Variants in BAALC observed in about 807,000 individuals in gnomAD.
BAALC encodes BAALC binder of MAP3K1 and KLF4.
Under a neutral mutation model 15.5 loss-of-function variants are expected in BAALC, and 9 were observed. The observed-to-expected ratio is 0.58, with a 90% CI of 0.35 to 1.02. The LOEUF is 1.02. BAALC is among the 50% of genes least tolerant of loss of function. The pLI, the probability that BAALC is intolerant of heterozygous loss-of-function variation, is 0.02. For missense variants in BAALC, 201 were observed against 192.4 expected (o/e 1.04, Z -0.27); for synonymous variants, 80 against 74.6 (o/e 1.07, Z -0.37).
rs548646686 is a variant in BAALC, at chr8:103,148,739, G to A, written c.160+7682G>A. 4.8e-4 allele frequency among the ~76,000 whole-genome samples: 73 copies of A among 152,190 alleles called. 1 individual carries two copies. Among genetic ancestry groups the A allele is most frequent in the African/African-American group, 1.5e-3 (64 of 41,502 alleles). On this transcript the variant is annotated intron_variant, in intron 1 of 2. Coordinates refer to ENST00000309982, the MANE Select transcript of BAALC (RefSeq NM_024812.3). ...CAGGTTTCCGTTGTTTAAGCCATGC[G>A]GTTTGTGGCACTTTGTTATGGCAGC...
intron 2 of BAALC, among the ~76,000 whole-genome samples, chr8:103,217,108 A>G (rs1323985484): frequency 6.6e-6 from 1 of 152,248 alleles, no homozygotes; most frequent in Non-Finnish European, 1.5e-5. Flanking sequence ...GATGATGCAT[A>G]TCAATGAGCA....
chr8:103,180,446 C>G (rs1254387907), intron 1 of BAALC, among the ~76,000 whole-genome samples: 1 of 152,186 alleles, frequency 6.6e-6, no homozygotes, highest in Non-Finnish European at 1.5e-5. Context: ...AAAAATTTGG[C>G]AGAGCATGAA....
intron 1 of BAALC, among the ~76,000 whole-genome samples, chr8:103,174,793 G>A (rs765693461): frequency 2.3e-4 from 35 of 152,172 alleles, no homozygotes; most frequent in Non-Finnish European, 4.9e-4. Context: ...GCCACATCTA[G>A]CTGCAAGGGA....
chr8:103,149,250 C>T (rs1810934240), intron 1 of BAALC, among the ~76,000 whole-genome samples: 1 of 152,128 alleles, frequency 6.6e-6, no homozygotes, highest in African/African-American at 2.4e-5. Context: ...ATTTACAAGG[C>T]TGAGTCCTGC....
At chr8:103,217,180 A>G (rs1429909887) in intron 2 of BAALC, among the ~76,000 whole-genome samples, 2 of 152,258 alleles carry the variant, frequency 1.3e-5, no homozygotes, top group Non-Finnish European at 2.9e-5. Context: ...TGTTTTCAAA[A>G]TAAGATCAGG....
intron 1 of BAALC, chr8:103,208,594 C>G (rs980360591): frequency 1.3e-5 from 2 of 152,198 alleles, no homozygotes; most frequent in African/African-American, 4.8e-5. Context: ...GCGCTTAGGA[C>G]CTAATGCTCT....
chr8:103,149,701 G>GA (rs1010656828), intron 1 of BAALC, among the ~76,000 whole-genome samples: 3 of 152,208 alleles, frequency 2.0e-5, no homozygotes, highest in Non-Finnish European at 2.9e-5. Flanking sequence ...GAGGTAGTGG[G>GA]AGCCCAAGTC....
chr8:103,168,107 G>A (rs960826986), intron 1 of BAALC, among the ~76,000 whole-genome samples: 8 of 151,962 alleles, frequency 5.3e-5, no homozygotes, highest in Non-Finnish European at 8.8e-5. Flanking sequence ...CAGCTCTACC[G>A]GGCTATATAC....
chr8:103,213,147 G>A, intron 2 of BAALC, 62 bp downstream of exon 2: 1 of 1,550,674 alleles, frequency 6.4e-7, no homozygotes, highest in Non-Finnish European at 8.8e-7. Flanking sequence ...TTGCTTCAGG[G>A]CAGAGCCACC....
chr8:103,156,726 G>A (rs551177429), intron 1 of BAALC, among the ~76,000 whole-genome samples: 12 of 152,360 alleles, frequency 7.9e-5, no homozygotes, highest in Middle Eastern at 3.4e-3. Flanking sequence ...TGCCAGAAAT[G>A]AGGGTTTTTG....
chr8:103,227,930 G>C, intron 2 of BAALC, 59 bp from the exon 3 acceptor site: 3 of 1,205,922 alleles, frequency 2.5e-6, no homozygotes, highest in Admixed American at 3.6e-5. Context: ...GACTTGCCTC[G>C]GTCATTTTCT....
chr8:103,163,982 T>C (rs1270693386), intron 1 of BAALC, among the ~76,000 whole-genome samples: 2 of 151,940 alleles, frequency 1.3e-5, no homozygotes, highest in Non-Finnish European at 2.9e-5. Context: ...TGGTGATGGG[T>C]AGAGAAAGAA....
intron 1 of BAALC, among the ~76,000 whole-genome samples, chr8:103,205,853 A>G (rs562872898): frequency 6.6e-6 from 1 of 152,342 alleles, no homozygotes; most frequent in Non-Finnish European, 1.5e-5. Context: ...CTTCTGTAAA[A>G]TAAGGGTAAT....
chr8:103,155,591 T>C (rs539250131), intron 1 of BAALC, among the ~76,000 whole-genome samples: 210 of 152,360 alleles, frequency 1.4e-3, no homozygotes, highest in African/African-American at 4.8e-3. Context: ...GGAGAGGCAC[T>C]CAGCTGTGAT....
chr8:103,152,272 T>C (rs1462828419), intron 1 of BAALC, among the ~76,000 whole-genome samples: 1 of 152,132 alleles, frequency 6.6e-6, no homozygotes, highest in Admixed American at 6.6e-5. Context: ...CTCTGTTTTT[T>C]GCTCAGCGTG....
intron 1 of BAALC, among the ~76,000 whole-genome samples, chr8:103,190,676 C>T (rs1186434564): frequency 6.6e-6 from 1 of 152,102 alleles, no homozygotes. Flanking sequence ...AGTCTAATGG[C>T]ACTCCGGGAC....
chr8:103,198,093 T>G (rs1332229867), intron 1 of BAALC: 1 of 700,966 alleles, frequency 1.4e-6, no homozygotes, highest in Admixed American at 2.0e-5. Context: ...CTACATGTAC[T>G]GTTAGGGTGC....
At chr8:103,199,514 AG>A (rs1310631158) in intron 1 of BAALC, among the ~76,000 whole-genome samples, 1 of 151,520 alleles carries the variant, frequency 6.6e-6, no homozygotes. Flanking sequence ...TAAGCACCCA[AG>A]GGATACTAGA....
intron 1 of BAALC, among the ~76,000 whole-genome samples, chr8:103,185,405 C>T (rs1010388562): frequency 2.0e-5 from 3 of 152,108 alleles, no homozygotes; most frequent in African/African-American, 7.2e-5. Flanking sequence ...TGGATTGTTC[C>T]TCATATCTTA....
Sources: gnomAD v4.1 joint callset for allele counts (sites outside exome capture counted in the v4.1 genomes callset) on GRCh38, gnomAD v4.1.1 for gene constraint, MANE v1.5 for transcripts, NCBI Gene and HGNC (gene_info 2026-07-23, HGNC 2026-07-21) for gene names.